The following NFIX variants were observed in gnomAD, a reference collection of about 807,000 sequenced individuals.
NFIX encodes nuclear factor I X.
Under a neutral mutation model 53.3 loss-of-function variants are expected in NFIX, and 2 were observed. That is an observed-to-expected ratio of 0.04 (90% CI 0.02 to 0.12). The LOEUF (loss-of-function observed/expected upper bound fraction) is 0.12, where lower values mean the gene tolerates loss of function less well. NFIX is among the 10% of genes least tolerant of loss of function. NFIX has a pLI of 1.00. For synonymous variants in NFIX, 244 were observed against 289.0 expected (o/e 0.84, Z 1.58); for missense variants, 310 against 674.5 (o/e 0.46, Z 5.99).
chr19:13,036,690 T>C lies in NFIX; in HGVS notation c.559+11138T>C, dbSNP rs1238622043. The stretch of plus-strand genomic sequence containing the variant: ...AATGGGCGTTATTGCATAATGGCAG[T>C]TATATAACAGGTGGCCCAGAATACA... On this transcript the variant is annotated intron_variant, in intron 2 of 10. Transcript: ENST00000592199. The surrounding 1 kb of genome is among the most constrained non-coding windows in gnomAD (Gnocchi z 4.7). Among the ~76,000 whole-genome samples, 1 of 152,166 alleles carries C rather than the reference T, an allele frequency of 6.6e-6. No individual in the cohort carries two copies. Among genetic ancestry groups the C allele is most frequent in the East Asian group, 1.9e-4 (1 of 5,188 alleles).
Position 13,025,007 on chromosome 19 carries a change from C to T in NFIX, c.28-14C>T. The T allele has an allele frequency of 1.9e-6, 3 of 1,576,874 alleles. No individual in the cohort carries two copies. Among genetic ancestry groups the T allele is most frequent in the Middle Eastern group, 3.3e-4 (2 of 6,030 alleles). ...CCTCCCTCGCCCCGCATGCTCCCGG[C>T]TTGCCGCCTGCAGGATGAGTTCCAC... On this transcript the variant is annotated splice_polypyrimidine_tract_variant and intron_variant, in intron 1 of 10. Coordinates refer to ENST00000592199, the MANE Select transcript of NFIX (RefSeq NM_001365902.3). This position sits in a 1 kb window ranked among gnomAD's most constrained non-coding sequence, Gnocchi z 7.5.
intron 2 of NFIX, among the ~76,000 whole-genome samples, chr19:13,026,724 T>TTCTCTCTC (rs34744744): frequency 3.4e-4 from 49 of 146,044 alleles, no homozygotes; most frequent in East Asian, 6.2e-4. Flanking sequence ...TACCAAACCT[T>TTCTCTCTC]TCTCTCTCTC....
rs917536091 is a variant in NFIX, at chr19:13,037,429, T to C, written c.559+11877T>C. Among the ~76,000 whole-genome samples, 2 of 152,168 alleles carry C rather than the reference T, an allele frequency of 1.3e-5. No individual in the cohort carries two copies. The highest frequency in any genetic ancestry group is 4.8e-5 in the African/African-American group (2 of 41,426). ...ATCTCAGAGAGCCTCGTGGAAGTAA[T>C]GGCGCTGAGAGATGGCGCCTGGGGA... On this transcript the variant is annotated intron_variant, in intron 2 of 10. Coordinates refer to ENST00000592199, the MANE Select transcript of NFIX (RefSeq NM_001365902.3). The surrounding 1 kb of genome is among the most constrained non-coding windows in gnomAD (Gnocchi z 4.2).
At chr19:13,058,226 A>T (rs946606728) in intron 2 of NFIX, among the ~76,000 whole-genome samples, 2 of 152,020 alleles carry the variant, frequency 1.3e-5, no homozygotes, top group African/African-American at 4.8e-5. Context: ...GCTAAGCAGG[A>T]CACCTTTCCA....
rs369457739 is a variant in NFIX at position 13,011,610 on chromosome 19, T to G, written c.28-13411T>G. On this transcript the variant is annotated intron_variant, in intron 1 of 10. Transcript: ENST00000592199. This position sits in a 1 kb window ranked among gnomAD's most constrained non-coding sequence, Gnocchi z 6.5. ...TAGCTCTTTGATATCCCAGCCCGGC[T>G]GGAGAAAGTTAGATGGTACTCCAGC... is the stretch of plus-strand genomic sequence containing the variant. Among the ~76,000 whole-genome samples, 24 of 152,230 alleles carry G rather than the reference T, an allele frequency of 1.6e-4. No homozygotes were observed. The South Asian group carries it at 5.0e-3, about 32-fold the overall frequency.
At chr19:13,086,519 C>T (rs914103055) in intron 8 of NFIX, among the ~76,000 whole-genome samples, 1 of 152,182 alleles carries the variant, frequency 6.6e-6, no homozygotes, top group Non-Finnish European at 1.5e-5. Context: ...CTTCCCAGGG[C>T]AGGCCTGTTA....
At chr19:13,075,817 G>A in intron 6 of NFIX, 146 bp downstream of exon 6, 1 of 1,013,124 alleles carries the variant, frequency 9.9e-7, no homozygotes, top group Non-Finnish European at 1.4e-6. Context: ...GATCTTCCAG[G>A]GAGGGCAGAG....
rs1179095869 is a variant in NFIX, at chr19:13,096,932, T to C, written c.*2283T>C. 1 of 136,526 alleles carries C rather than the reference T, an allele frequency of 7.3e-6. No homozygotes were observed. The highest frequency in any genetic ancestry group is 1.6e-5 in the Non-Finnish European group (1 of 64,182). The allele number at this position is 136,526 out of a possible 1,614,324, so 8.5% of individuals were successfully genotyped here. On this transcript the variant is annotated 3_prime_UTR_variant, in exon 11 of 11. Coordinates refer to ENST00000592199, the MANE Select transcript of NFIX (RefSeq NM_001365902.3). ...GGGGCAATGAGGGCAACAGGAGATG[T>C]GGGGACGTGTTAGGAGAGAAAAAAA...
Position 13,075,681 on chromosome 19 carries a change from C to CG in NFIX, c.955+15dup. 1 of 1,611,552 alleles carries CG rather than the reference C, an allele frequency of 6.2e-7. No homozygotes were observed. The highest frequency in any genetic ancestry group is 8.5e-7 in the Non-Finnish European group (1 of 1,178,460). On this transcript the variant is annotated intron_variant, in intron 6 of 10. Coordinates refer to ENST00000592199, the MANE Select transcript of NFIX (RefSeq NM_001365902.3). ...AACGATGTGGATGCAGGTATGGGTG[C>CG]GGGGGATCCTGACCCAGAGCAAGGG...
At chr19:13,019,087 C>T (rs911229095) in intron 1 of NFIX, among the ~76,000 whole-genome samples, 1 of 151,532 alleles carries the variant, frequency 6.6e-6, no homozygotes, top group African/African-American at 2.4e-5. Flanking sequence ...TAAATCTGGG[C>T]CTTAAAGCCA....
At position 13,028,347 on chromosome 19, in the gene NFIX, G is replaced by A. The variant is rs2013532308; in HGVS notation, c.559+2795G>A. Among the ~76,000 whole-genome samples, 1 of 152,198 alleles carries A rather than the reference G, an allele frequency of 6.6e-6. No individual in the cohort carries two copies. The highest frequency in any genetic ancestry group is 1.5e-5 in the Non-Finnish European group (1 of 68,044). The stretch of plus-strand genomic sequence containing the variant: ...TTTTTCCTTTTCTTAAGACAGGGCT[G>A]AAGAGCCAGATCTGGGCTGAGCTGG... On this transcript the variant is annotated intron_variant, in intron 2 of 10. Coordinates refer to ENST00000592199, the MANE Select transcript of NFIX (RefSeq NM_001365902.3). The surrounding 1 kb of genome is among the most constrained non-coding windows in gnomAD (Gnocchi z 4.2).
In NFIX at chr19:13,098,255, G is replaced by A. The variant is rs1239047044; in HGVS notation, c.*3606G>A. 1 of 51,508 alleles carries A rather than the reference G, an allele frequency of 1.9e-5. No individual in the cohort carries two copies. Among genetic ancestry groups the A allele is most frequent in the African/African-American group, 8.1e-5 (1 of 12,318 alleles). 3.2% of individuals were successfully genotyped at this position (51,508 alleles called of 1,614,324 possible). On this transcript the variant is annotated 3_prime_UTR_variant, in exon 11 of 11. Transcript: ENST00000592199. ...AGAGCCCGAGGGGCACCCCAGCCCCGCCTCTGCTCCCCCCCACCCCACCCA... is the reference window on the plus strand; with the variant it reads ...AGAGCCCGAGGGGCACCCCAGCCCCACCTCTGCTCCCCCCCACCCCACCCA...
At chr19:13,032,432 G>A (rs1230237399) in intron 2 of NFIX, among the ~76,000 whole-genome samples, 1 of 152,218 alleles carries the variant, frequency 6.6e-6, no homozygotes, top group Admixed American at 6.5e-5. Context: ...GGTCTGAGGT[G>A]TCTGGCACAT....
At chr19:13,026,781 C>T (rs540973586) in intron 2 of NFIX, among the ~76,000 whole-genome samples, 4 of 151,650 alleles carry the variant, frequency 2.6e-5, no homozygotes, top group African/African-American at 9.7e-5. Flanking sequence ...TCCTTTCCAC[C>T]ATTCCAGTAT....
chr19:13,063,482 G>T (rs1006024834), intron 2 of NFIX, among the ~76,000 whole-genome samples: 6 of 148,040 alleles, frequency 4.1e-5, no homozygotes, highest in African/African-American at 1.5e-4. Flanking sequence ...TCCTCTTTCT[G>T]TTTTTTTTTT....
At position 13,004,171 on chromosome 19, in the gene NFIX, G is replaced by T. The variant is rs888866688; in HGVS notation, c.27+8307G>T. On this transcript the variant is annotated intron_variant, in intron 1 of 10. Transcript: ENST00000592199. ...CCTACAATGGAACCCCTCAACCCTC[G>T]CCGACCACAAAGAATGATCCAGCCC... Among the ~76,000 whole-genome samples the T allele has an allele frequency of 4.0e-5, 6 of 151,760 alleles. 1 individual carries two copies. The South Asian group carries it at 1.3e-3, about 32-fold the overall frequency.
chr19:13,091,966 G>A (rs2018169803), intron 10 of NFIX, among the ~76,000 whole-genome samples: 1 of 152,232 alleles, frequency 6.6e-6, no homozygotes. Flanking sequence ...TGTTCCCTGT[G>A]TCTTAGGCTC....
chr19:13,004,820 CTTTTT>C (rs61430205), intron 1 of NFIX, among the ~76,000 whole-genome samples: 1 of 136,816 alleles, frequency 7.3e-6, no homozygotes, highest in African/African-American at 2.7e-5. Context: ...AAGCTAGGTT[CTTTTT>C]TTTTTTTTTT....
intron 2 of NFIX, among the ~76,000 whole-genome samples, chr19:13,062,831 TGGGTACTGAGTGCTCTCTCACAG>T (rs973403786): frequency 3.9e-5 from 6 of 152,190 alleles, no homozygotes; most frequent in African/African-American, 1.4e-4. Flanking sequence ...GTCACCAGCC[TGGGTACTGAGTGCTCTCTCACAG>T]GGGTATTGAG....
Sources: allele counts gnomAD v4.1 joint callset (sites outside exome capture counted in the v4.1 genomes callset), GRCh38; gene constraint gnomAD v4.1.1; non-coding constraint Gnocchi (gnomAD v3.1); transcripts MANE v1.5; gene names NCBI Gene and HGNC (gene_info 2026-07-23, HGNC 2026-07-21).